The following NCAPG2 variants were observed in gnomAD, a reference collection of about 807,000 sequenced individuals.
NCAPG2 encodes non-SMC condensin II complex subunit G2.
In NCAPG2, 53 loss-of-function variants were observed where a neutral mutation model predicts 141.1. The ratio of observed to expected loss-of-function variants is 0.38; its 90% CI spans 0.30 to 0.47. NCAPG2 has a LOEUF of 0.47. Among genes scored for constraint, NCAPG2 ranks in the 20% least tolerant of loss-of-function variants. The probability of loss-of-function intolerance (pLI) is 0.99; values close to 1 mark genes in which losing one functional copy is unlikely to be tolerated. For synonymous variants in NCAPG2, 499 were observed against 490.7 expected (o/e 1.02, Z -0.22); for missense variants, 1,087 against 1,389.0 (o/e 0.78, Z 3.46).
rs1250698946 is a variant in NCAPG2 at position 158,686,244 on chromosome 7, A to G, written c.768-3T>C. On this transcript the variant is annotated splice_polypyrimidine_tract_variant and splice_region_variant and intron_variant, in intron 7 of 27. Coordinates refer to ENST00000356309, the MANE Select transcript of NCAPG2 (RefSeq NM_017760.7). ...CTGCAATGTATACCATCAAAGACCT[A>G]TATAAAAAGATCAAAATAGTTTTAA... 8 of 1,499,118 alleles carry G rather than the reference A, an allele frequency of 5.3e-6. No individual in the cohort carries two copies. The highest frequency in any genetic ancestry group is 7.2e-6 in the Non-Finnish European group (8 of 1,108,258). 92.9% of individuals were successfully genotyped at this position (1,499,118 alleles called of 1,614,324 possible). A position where few individuals can be genotyped will look rare whatever the true frequency, so the allele number is the denominator to read the frequency against.
chr7:158,639,716 A>T (rs1054892102), intron 27 of NCAPG2: 11 of 336,646 alleles, frequency 3.3e-5, no homozygotes, highest in Non-Finnish European at 4.6e-5. Context: ...CACAACACTG[A>T]AAAGGGAGAA....
At chr7:158,656,746 G>A (rs544072062) in intron 17 of NCAPG2, 41 bp from the exon 18 acceptor site, 61 of 1,597,572 alleles carry the variant, frequency 3.8e-5, no homozygotes, top group Non-Finnish European at 4.3e-5. Flanking sequence ...GTATTTCAAC[G>A]GAGACTCCCC....
intron 2 of NCAPG2, among the ~76,000 whole-genome samples, chr7:158,701,141 C>A (rs75319502): frequency 6.6e-6 from 1 of 152,182 alleles, no homozygotes; most frequent in African/African-American, 2.4e-5. Context: ...CAGTCAGACG[C>A]CTGGGCCCTT....
At chr7:158,670,160 G>A (rs796523968) in intron 13 of NCAPG2, among the ~76,000 whole-genome samples, 4 of 152,324 alleles carry the variant, frequency 2.6e-5, no homozygotes, top group African/African-American at 9.6e-5. Flanking sequence ...GACATTGGGT[G>A]TTAATACTAC....
At chr7:158,645,477 G>A (rs1830939022) in intron 26 of NCAPG2, 42 bp downstream of exon 26, 2 of 1,563,908 alleles carry the variant, frequency 1.3e-6, no homozygotes, top group South Asian at 2.2e-5. Context: ...CCTGTGAGGT[G>A]CACCAGCCAC....
chr7:158,647,189 ACTC>A (rs1279852105), intron 24 of NCAPG2, among the ~76,000 whole-genome samples: 2 of 152,142 alleles, frequency 1.3e-5, no homozygotes, highest in African/African-American at 4.8e-5. Context: ...TTAACATTGT[ACTC>A]CTGTCTAAAT....
chr7:158,675,875 C>CA (rs2129466214), intron 11 of NCAPG2, among the ~76,000 whole-genome samples: 1 of 152,308 alleles, frequency 6.6e-6, no homozygotes, highest in African/African-American at 2.4e-5. Context: ...TCATGTGCCA[C>CA]ATCCCCTGAC....
chr7:158,668,208 CGCCCCCCCTT>C (rs1833347684), intron 13 of NCAPG2: 1 of 463,094 alleles, frequency 2.2e-6, no homozygotes, highest in African/African-American at 2.2e-5. Flanking sequence ...TGGGTCCCTC[CGCCCCCCCTT>C]ACCCACTACT....
chr7:158,650,787 G>T, intron 24 of NCAPG2, 45 bp downstream of exon 24: 3 of 1,563,046 alleles, frequency 1.9e-6, no homozygotes, highest in Admixed American at 2.0e-5. Context: ...ACCATCTTGT[G>T]TCATCAATAA....
rs1190444860 is a variant in NCAPG2 at position 158,650,750 on chromosome 7, C to T, written c.3075+82G>A. 16 of 1,449,980 alleles carry T rather than the reference C, an allele frequency of 1.1e-5. No homozygotes were observed. In the South Asian group the frequency reaches 1.2e-4, roughly 10 times the overall value. The allele number at this position is 1,449,980 out of a possible 1,614,324, so 89.8% of individuals were successfully genotyped here. ...AATTCTTAAAAAATACTTTGAGAAA[C>T]GTAGAGAATGTACTGCTAGTAGAAA... On this transcript the variant is annotated intron_variant, in intron 24 of 27. Transcript: ENST00000356309.
In NCAPG2 at chr7:158,704,445, G is replaced by T. The variant is rs942902852; in HGVS notation, c.-40+279C>A. ...CGGTGCCCATGCTCAGGGCTGGGGG[G>T]TCGCTCTCTGAGGGCAGTGCCCGCG... On this transcript the variant is annotated intron_variant, in intron 1 of 27. Coordinates refer to ENST00000356309, the MANE Select transcript of NCAPG2 (RefSeq NM_017760.7). 7.2e-5 allele frequency among the ~76,000 whole-genome samples: 11 copies of T among 152,344 alleles called. No homozygotes were observed. The East Asian group carries it at 1.2e-3, about 16-fold the overall frequency.
rs978264212 is a variant in NCAPG2, at chr7:158,662,449, T to C, written c.1816-82A>G. 6 of 1,266,804 alleles carry C rather than the reference T, an allele frequency of 4.7e-6. No individual in the cohort carries two copies. The African/African-American group carries it at 7.6e-5, about 16-fold the overall frequency. The allele number at this position is 1,266,804 out of a possible 1,614,324, so 78.5% of individuals were successfully genotyped here. ...TAACAGCATCTCAGAATTAGAGCTCTAAAGCAAAAATGTAGAGAACATCCG... is the reference window on the plus strand; with the variant it reads ...TAACAGCATCTCAGAATTAGAGCTCCAAAGCAAAAATGTAGAGAACATCCG... On this transcript the variant is annotated intron_variant, in intron 15 of 27. Transcript: ENST00000356309.
intron 11 of NCAPG2, among the ~76,000 whole-genome samples, chr7:158,677,344 TC>T (rs1834122327): frequency 6.6e-6 from 1 of 151,644 alleles, no homozygotes; most frequent in African/African-American, 2.4e-5. Context: ...CTAAGGGAAG[TC>T]CTCCTGCTGT....
At chr7:158,665,830 G>A (rs1020508520) in intron 13 of NCAPG2, among the ~76,000 whole-genome samples, 11 of 152,210 alleles carry the variant, frequency 7.2e-5, no homozygotes, top group African/African-American at 2.6e-4. Flanking sequence ...ACATATGAAC[G>A]CCCTCAACTC....
chr7:158,668,221 CCA>C (rs1833357487), intron 13 of NCAPG2: 1 of 300,770 alleles, frequency 3.3e-6, no homozygotes, highest in African/African-American at 9.2e-5. Context: ...CCCCCCTTAC[CCA>C]CTACTGGGTC....
In NCAPG2 at chr7:158,658,363, G is replaced by C; in HGVS notation, c.2035C>G (p.Pro679Ala). 6.2e-7 allele frequency: 1 copy of C among 1,611,608 alleles called. No individual in the cohort carries two copies. The highest frequency in any genetic ancestry group is 8.5e-7 in the Non-Finnish European group (1 of 1,178,766). Residue 679 changes from proline to alanine, a missense_variant, in exon 17 of 28, where the codon CCG becomes GCG. Coordinates refer to ENST00000356309, the MANE Select transcript of NCAPG2 (RefSeq NM_017760.7). ...CTGAATGGGGGGACAGCAGAGGCCGGCATAAAGGACATTAGCATGAATAAA... is the reference window on the plus strand; with the variant it reads ...CTGAATGGGGGGACAGCAGAGGCCGCCATAAAGGACATTAGCATGAATAAA... ...IPLFMLMSFMPASAVPPFSCG... is the reference protein window; with the variant it reads ...IPLFMLMSFMAASAVPPFSCG...
rs914161625 is a variant in NCAPG2, at chr7:158,696,352, G to A, written c.79-2855C>T. On this transcript the variant is annotated intron_variant, in intron 2 of 27. Coordinates refer to ENST00000356309, the MANE Select transcript of NCAPG2 (RefSeq NM_017760.7). ...AGGCCACTTCCTCAATATTCCGTCC[G>A]TCAAAGCAGGCACAAGCCCAATCCA... 3.3e-5 allele frequency: 5 copies of A among 152,306 alleles called. No individual in the cohort carries two copies. The East Asian group carries it at 7.7e-4, about 24-fold the overall frequency. 9.4% of individuals were successfully genotyped at this position (152,306 alleles called of 1,614,324 possible). A position where few individuals can be genotyped will look rare whatever the true frequency, so the allele number is the denominator to read the frequency against.
chr7:158,636,659 C>T (rs1830221186), intron 27 of NCAPG2, among the ~76,000 whole-genome samples: 1 of 152,176 alleles, frequency 6.6e-6, no homozygotes, highest in African/African-American at 2.4e-5. Context: ...GCCTCAGCCT[C>T]CCAAAGTGCT....
intron 19 of NCAPG2, among the ~76,000 whole-genome samples, 194 bp from the exon 20 acceptor site, chr7:158,655,649 A>G (rs143993514): frequency 0.27 from 431 of 1,600 alleles, 5 homozygotes; most frequent in African/African-American, 0.36. Flanking sequence ...CAGCCAGGTG[A>G]GCAGCCTCAG....
Sources: gnomAD v4.1 joint callset for allele counts (sites outside exome capture counted in the v4.1 genomes callset) on GRCh38, gnomAD v4.1.1 for gene constraint, MANE v1.5 for transcripts, NCBI Gene and HGNC (gene_info 2026-07-23, HGNC 2026-07-21) for gene names.